Variants in AMPH observed in about 807,000 individuals in gnomAD.
AMPH encodes the protein amphiphysin (Stiff-Mann syndrome with breast cancer 128kD autoantigen).
A neutral mutation model predicts 99.1 loss-of-function variants in AMPH; 49 were observed. The observed-to-expected ratio is 0.49, with a 90% CI of 0.39 to 0.63. AMPH has a LOEUF of 0.63. Ranked by LOEUF, AMPH falls within the 20% of genes least tolerant of loss-of-function variation. AMPH has a pLI of 0.00. For synonymous variants in AMPH, 314 were observed against 317.3 expected, an observed-to-expected ratio of 0.99 and a Z score of 0.11; for missense variants, 759 against 863.4, an observed-to-expected ratio of 0.88 and a Z score of 1.52.
At chr7:38,590,372 G>A (rs11762718) in intron 1 of AMPH, among the ~76,000 whole-genome samples, 42,719 of 151,918 alleles carry the variant, frequency 0.28, 6,406 homozygotes, top group Non-Finnish European at 0.34. Context: ...AGTCAGCAGC[G>A]GGTCTGTGAT....
chr7:38,399,469 C>T (rs1784781399), intron 17 of AMPH, among the ~76,000 whole-genome samples: 1 of 152,148 alleles, frequency 6.6e-6, no homozygotes, highest in South Asian at 2.1e-4. Flanking sequence ...AACAGGAACC[C>T]ATTTGTTCAG....
intron 1 of AMPH, among the ~76,000 whole-genome samples, chr7:38,605,121 G>A (rs1584296131): frequency 6.6e-6 from 1 of 152,124 alleles, no homozygotes; most frequent in Non-Finnish European, 1.5e-5. Context: ...TATGGCTACA[G>A]AACCAGAAAG....
chr7:38,609,075 A>C (rs939969608), intron 1 of AMPH, among the ~76,000 whole-genome samples: 1 of 152,166 alleles, frequency 6.6e-6, no homozygotes, highest in African/African-American at 2.4e-5. Flanking sequence ...TGGAAAGGTG[A>C]GATGACTGTG....
At chr7:38,506,249 G>C (rs957952862) in intron 2 of AMPH, among the ~76,000 whole-genome samples, 2 of 152,170 alleles carry the variant, frequency 1.3e-5, no homozygotes, top group Non-Finnish European at 2.9e-5. Context: ...ACCATCAACA[G>C]AGGAAATGCT....
At chr7:38,581,259 G>A (rs1792447356) in intron 1 of AMPH, among the ~76,000 whole-genome samples, 1 of 152,204 alleles carries the variant, frequency 6.6e-6, no homozygotes, top group Non-Finnish European at 1.5e-5. Context: ...GGGAAAGAGT[G>A]TTGGAGGAAT....
intron 10 of AMPH, among the ~76,000 whole-genome samples, chr7:38,462,234 G>C (rs1205300972): frequency 6.6e-6 from 1 of 152,148 alleles, no homozygotes; most frequent in Non-Finnish European, 1.5e-5. Context: ...TTTAAGGTAG[G>C]CTGGGCTAAG....
chr7:38,490,457 C>T (rs1192525845), intron 5 of AMPH, among the ~76,000 whole-genome samples: 1 of 152,088 alleles, frequency 6.6e-6, no homozygotes, highest in African/African-American at 2.4e-5. Context: ...TGTCCATTTA[C>T]CTCTGTAATA....
At chr7:38,431,656 T>TA (rs76704369) in intron 13 of AMPH, among the ~76,000 whole-genome samples, 431 of 120,432 alleles carry the variant, frequency 3.6e-3, no homozygotes, top group South Asian at 4.3e-3. Flanking sequence ...GACTCCGTCT[T>TA]AAAAAAAAAA....
At chr7:38,548,894 AGT>A (rs57068643) in intron 1 of AMPH, among the ~76,000 whole-genome samples, 37,370 of 152,038 alleles carry the variant, frequency 0.25, 5,095 homozygotes, top group Non-Finnish European at 0.31. Context: ...CTACGTGGCC[AGT>A]GCCATGTTGT....
chr7:38,624,279 G>T (rs1794167295), intron 1 of AMPH, among the ~76,000 whole-genome samples: 1 of 149,620 alleles, frequency 6.7e-6, no homozygotes, highest in Non-Finnish European at 1.5e-5. Flanking sequence ...TTGCACCTAA[G>T]ACAATTATAT....
At chr7:38,572,185 G>A (rs1425797804) in intron 1 of AMPH, among the ~76,000 whole-genome samples, 5 of 152,118 alleles carry the variant, frequency 3.3e-5, no homozygotes. Context: ...GATTACAGGT[G>A]TGAGCCACCA....
rs141547275 is a variant in AMPH, at chr7:38,417,008, A to G, written c.1398+817T>C. ...GGGAATGTTATTTTTGGTAATAGAG[A>G]AATTGTTTTTCCTATTTGTACAGTC... On this transcript the variant is annotated intron_variant, in intron 17 of 20. Transcript: ENST00000356264. Among the ~76,000 whole-genome samples, 8 of 152,256 alleles carry G rather than the reference A, an allele frequency of 5.3e-5. No individual in the cohort carries two copies. In the East Asian group the frequency reaches 1.5e-3, roughly 29 times the overall value.
chr7:38,426,852 T>C, intron 15 of AMPH, 102 bp downstream of exon 15: 1 of 1,072,918 alleles, frequency 9.3e-7, no homozygotes, highest in Non-Finnish European at 1.4e-6. Context: ...GCTGATATTC[T>C]TAATCATTAC....
chr7:38,441,294 T>C (rs1786494950), intron 11 of AMPH, among the ~76,000 whole-genome samples: 1 of 152,064 alleles, frequency 6.6e-6, no homozygotes, highest in African/African-American at 2.4e-5. Flanking sequence ...ACTTCAATAT[T>C]CCTCATTCAA....
intron 1 of AMPH, among the ~76,000 whole-genome samples, chr7:38,568,467 A>G (rs912724714): frequency 1.3e-5 from 2 of 152,086 alleles, no homozygotes; most frequent in African/African-American, 2.4e-5. Flanking sequence ...TCCGTCTCCA[A>G]AAAAAAAGAA....
chr7:38,504,841 G>T (rs1419605205), intron 2 of AMPH, among the ~76,000 whole-genome samples: 1 of 152,202 alleles, frequency 6.6e-6, no homozygotes, highest in African/African-American at 2.4e-5. Context: ...TAGCTGCTAT[G>T]ACTCTACAAC....
intron 1 of AMPH, among the ~76,000 whole-genome samples, chr7:38,546,787 T>C (rs1791011088): frequency 1.3e-5 from 2 of 152,222 alleles, no homozygotes; most frequent in Admixed American, 1.3e-4. Flanking sequence ...AACGTGATAC[T>C]GGAATTGCAT....
chr7:38,477,550 TTCCCATGGG>T (rs1788132650), intron 5 of AMPH, among the ~76,000 whole-genome samples: 1 of 152,178 alleles, frequency 6.6e-6, no homozygotes, highest in African/African-American at 2.4e-5. Flanking sequence ...GGCAAGCTCT[TTCCCATGGG>T]TCAACATTGG....
rs539328079 is a variant in AMPH, at chr7:38,621,417, A to G, written c.69+9866T>C. On this transcript the variant is annotated intron_variant, in intron 1 of 20. Coordinates refer to ENST00000356264, the MANE Select transcript of AMPH (RefSeq NM_001635.4). The stretch of plus-strand genomic sequence containing the variant: ...AGTCTCTAGAAAGTGCCTTCCACAT[A>G]TTAGATTCTCAATAAATGGCTCTAA... Among the ~76,000 whole-genome samples, 92 of 152,344 alleles carry G rather than the reference A, an allele frequency of 6.0e-4. 3 individuals are homozygous for G. The South Asian group carries it at 0.018, about 30-fold the overall frequency.
Sources: gnomAD v4.1 joint callset for allele counts (sites outside exome capture counted in the v4.1 genomes callset) on GRCh38, gnomAD v4.1.1 for gene constraint, MANE v1.5 for transcripts, NCBI Gene and HGNC (gene_info 2026-07-23, HGNC 2026-07-21) for gene names.